The following EFR3B variants were observed in gnomAD, a reference collection of about 807,000 sequenced individuals.
EFR3B encodes EFR3 homolog B, also known as protein EFR3 homolog B.
EFR3B carries 64 observed loss-of-function variants against 104.7 expected under a neutral mutation model. The ratio of observed to expected loss-of-function variants is 0.61; its 90% CI spans 0.50 to 0.75. The LOEUF (loss-of-function observed/expected upper bound fraction) is 0.75, where lower values mean the gene tolerates loss of function less well. Ranked by LOEUF, EFR3B falls within the 30% of genes least tolerant of loss-of-function variation. The probability of loss-of-function intolerance (pLI) is 0.00; values close to 1 mark genes in which losing one functional copy is unlikely to be tolerated. For missense variants in EFR3B, 750 were observed against 1,078.5 expected (o/e 0.70, Z 4.27); for synonymous variants, 385 against 417.9 (o/e 0.92, Z 0.96).
intron 1 of EFR3B, among the ~76,000 whole-genome samples, chr2:25,046,504 G>GTTTTTTTTTTTTTTTTTTT (rs1667720406): frequency 1.1e-5 from 1 of 90,996 alleles, no homozygotes; most frequent in Non-Finnish European, 2.3e-5. Flanking sequence ...GAAGTACAAA[G>GTTTTTTTTTTTTTTTTTTT]TCTTTTTTTT....
At chr2:25,087,378 T>TATAC (rs1553389456) in intron 1 of EFR3B, among the ~76,000 whole-genome samples, 22 of 142,400 alleles carry the variant, frequency 1.5e-4, no homozygotes, top group African/African-American at 4.0e-4. Flanking sequence ...TATATATATA[T>TATAC]ACACACACAC....
intron 4 of EFR3B, among the ~76,000 whole-genome samples, chr2:25,113,343 T>C (rs1313222209): frequency 1.3e-5 from 2 of 152,124 alleles, no homozygotes; most frequent in African/African-American, 2.4e-5. Context: ...GAGTTCTCAG[T>C]TGTAGGGGTG....
At chr2:25,074,337 G>C (rs937783559) in intron 1 of EFR3B, among the ~76,000 whole-genome samples, 2 of 152,034 alleles carry the variant, frequency 1.3e-5, no homozygotes, top group Non-Finnish European at 2.9e-5. Flanking sequence ...AGGCCGAGGC[G>C]GATGGATCAC....
At chr2:25,145,443 G>A (rs928832965) in intron 19 of EFR3B, 6 of 269,320 alleles carry the variant, frequency 2.2e-5, no homozygotes, top group East Asian at 6.4e-5. Context: ...GCATGGTGAC[G>A]TGCACCTGTG....
chr2:25,099,281 T>C (rs1338991508), intron 3 of EFR3B, among the ~76,000 whole-genome samples: 1 of 151,874 alleles, frequency 6.6e-6, no homozygotes, highest in African/African-American at 2.4e-5. Context: ...TGGATGGTGA[T>C]TGTGATGGTC....
Position 25,131,753 on chromosome 2 carries a change from C to G in EFR3B, c.989C>G (p.Pro330Arg). 6.6e-7 allele frequency: 1 copy of G among 1,508,424 alleles called. No individual in the cohort carries two copies. The highest frequency in any genetic ancestry group is 2.5e-5 in the East Asian group (1 of 40,362). 93.4% of individuals were successfully genotyped at this position (1,508,424 alleles called of 1,614,324 possible). A position where few individuals can be genotyped will look rare whatever the true frequency, so the allele number is the denominator to read the frequency against. Residue 330 changes from proline to arginine, a missense_variant, in exon 10 of 23, where the codon CCC becomes CGC. By Grantham distance (103) the Pro-to-Arg change is moderately radical. Coordinates refer to ENST00000403714, the MANE Select transcript of EFR3B (RefSeq NM_014971.2). The surrounding 1 kb of genome is among the most constrained non-coding windows in gnomAD (Gnocchi z 7.6). ...TGTCCCGCCCCACCGCTCTCAGGGCCCACAGTACTGGAGATGTTCAACACG... is the reference window on the plus strand; with the variant it reads ...TGTCCCGCCCCACCGCTCTCAGGGCGCACAGTACTGGAGATGTTCAACACG... ...AVIAATGSVG[P>R]TVLEMFNTLL...
intron 1 of EFR3B, among the ~76,000 whole-genome samples, chr2:25,049,754 C>T (rs182368144): frequency 2.0e-5 from 3 of 151,878 alleles, no homozygotes; most frequent in African/African-American, 7.3e-5. Flanking sequence ...TGGGGAAGAC[C>T]TGTCCAGCGA....
At position 25,091,398 on chromosome 2, in the gene EFR3B, C is replaced by T. The variant is rs555214222; in HGVS notation, c.81C>T (p.Pro27=). ...RLVDNIFPED[P]EDGLVKTNME... is the part of the protein sequence containing the mutation. Reference sequence around the variant, plus strand: ...TTGACAACATCTTCCCTGAGGATCCCGAGGTGGGTCATGTCTCTGGCAGGC... The same window carrying T: ...TTGACAACATCTTCCCTGAGGATCCTGAGGTGGGTCATGTCTCTGGCAGGC... Residue 27 remains proline, a synonymous_variant, in exon 2 of 23, where the codon CCC becomes CCT. Coordinates refer to ENST00000403714, the MANE Select transcript of EFR3B (RefSeq NM_014971.2). 55 of 1,549,086 alleles carry T rather than the reference C, an allele frequency of 3.6e-5. No individual in the cohort carries two copies. Among genetic ancestry groups the T allele is most frequent in the East Asian group, 1.7e-4 (7 of 40,500 alleles).
In EFR3B at chr2:25,130,860, A is replaced by G. The variant is rs1360025187; in HGVS notation, c.849+230A>G. 6.6e-6 allele frequency among the ~76,000 whole-genome samples: 1 copy of G among 152,232 alleles called. No homozygotes were observed. The highest frequency in any genetic ancestry group is 2.4e-5 in the African/African-American group (1 of 41,452). On this transcript the variant is annotated intron_variant, in intron 8 of 22. Transcript: ENST00000403714. The surrounding 1 kb of genome is among the most constrained non-coding windows in gnomAD (Gnocchi z 4.6). ...CAATTAAAACAAATAATTTCTAGAA[A>G]AATTAAATAAAAAACTCATGCAAAA...
chr2:25,149,647 T>G, intron 19 of EFR3B, 47 bp from the exon 20 acceptor site: 1 of 1,544,938 alleles, frequency 6.5e-7, no homozygotes, highest in East Asian at 2.4e-5. Flanking sequence ...GCTGCCTCCT[T>G]TCTCTGCCCC....
chr2:25,093,850 C>T (rs1669202746), intron 3 of EFR3B, among the ~76,000 whole-genome samples: 1 of 152,126 alleles, frequency 6.6e-6, no homozygotes, highest in Non-Finnish European at 1.5e-5. Context: ...GCAATTTGTC[C>T]ATTAAAAATA....
At chr2:25,046,963 T>C (rs569552103) in intron 1 of EFR3B, among the ~76,000 whole-genome samples, 2 of 152,290 alleles carry the variant, frequency 1.3e-5, no homozygotes, top group South Asian at 4.1e-4. Context: ...CCTATGCATG[T>C]GGGAGCTGTG....
chr2:25,142,977 G>T (rs2149211043), intron 17 of EFR3B, among the ~76,000 whole-genome samples: 1 of 151,044 alleles, frequency 6.6e-6, no homozygotes. Context: ...GCTGGGCATG[G>T]CGGCTCATGC....
chr2:25,151,182 G>C (rs1340457586), intron 20 of EFR3B, among the ~76,000 whole-genome samples: 2 of 152,082 alleles, frequency 1.3e-5, no homozygotes, highest in East Asian at 3.9e-4. Flanking sequence ...AAATGGCCTC[G>C]GGCTGCCCTG....
chr2:25,117,283 C>T (rs1356324654), intron 4 of EFR3B, among the ~76,000 whole-genome samples: 1 of 152,140 alleles, frequency 6.6e-6, no homozygotes, highest in Non-Finnish European at 1.5e-5. Flanking sequence ...AGGACAGACT[C>T]AGCATGTCTG....
intron 1 of EFR3B, among the ~76,000 whole-genome samples, chr2:25,066,470 C>T (rs891969300): frequency 3.3e-5 from 5 of 152,182 alleles, no homozygotes; most frequent in Admixed American, 6.5e-5. Context: ...CAGAACATTC[C>T]CTTGTGCTTG....
chr2:25,136,510 C>T lies in EFR3B; in HGVS notation c.1485-13C>T. 6.4e-7 allele frequency: 1 copy of T among 1,550,892 alleles called. No homozygotes were observed. Among genetic ancestry groups the T allele is most frequent in the Non-Finnish European group, 8.7e-7 (1 of 1,146,498 alleles). On this transcript the variant is annotated splice_polypyrimidine_tract_variant and intron_variant, in intron 13 of 22. Coordinates refer to ENST00000403714, the MANE Select transcript of EFR3B (RefSeq NM_014971.2). This position sits in a 1 kb window ranked among gnomAD's most constrained non-coding sequence, Gnocchi z 4.0. The stretch of plus-strand genomic sequence containing the variant: ...ATGCAAGGGCTAAGGAGGCCCTTTG[C>T]ATCCCTTCCCAGTACCCTCAGTGAC...
At chr2:25,061,498 C>T (rs1036642399) in intron 1 of EFR3B, among the ~76,000 whole-genome samples, 13 of 146,104 alleles carry the variant, frequency 8.9e-5, no homozygotes, top group African/African-American at 3.3e-4. Context: ...GCTTTATTTA[C>T]TTTTTTTTTT....
In EFR3B at chr2:25,130,496, C is replaced by G. The variant is rs1438318252; in HGVS notation, c.771-56C>G. 3 of 1,428,076 alleles carry G rather than the reference C, an allele frequency of 2.1e-6. No homozygotes were observed. The highest frequency in any genetic ancestry group is 2.0e-5 in the Admixed American group (1 of 50,846). 88.5% of individuals were successfully genotyped at this position (1,428,076 alleles called of 1,614,324 possible). ...CCCTCTGCCTCCAAGCTAATCTCTTCTCCCTAACACTGCCGGGAGTTTCAT... is the reference window on the plus strand; with the variant it reads ...CCCTCTGCCTCCAAGCTAATCTCTTGTCCCTAACACTGCCGGGAGTTTCAT... On this transcript the variant is annotated intron_variant, in intron 7 of 22. Transcript: ENST00000403714. The surrounding 1 kb of genome is among the most constrained non-coding windows in gnomAD (Gnocchi z 4.6).
Sources: allele counts gnomAD v4.1 joint callset (sites outside exome capture counted in the v4.1 genomes callset), GRCh38; gene constraint gnomAD v4.1.1; non-coding constraint Gnocchi (gnomAD v3.1); transcripts MANE v1.5; gene names NCBI Gene and HGNC (gene_info 2026-07-23, HGNC 2026-07-21).